XKR4: variants seen among roughly 807,000 people sequenced by gnomAD.
XKR4 encodes XK-related protein 4.
Under a neutral mutation model 53.9 loss-of-function variants are expected in XKR4, and 12 were observed. The ratio of observed to expected loss-of-function variants is 0.22; its 90% CI spans 0.14 to 0.36. XKR4 has a LOEUF of 0.36. Ranked by LOEUF, XKR4 falls within the 10% of genes least tolerant of loss-of-function variation. The pLI is 1.00. For missense variants in XKR4, 799 were observed against 859.5 expected (o/e 0.93, Z 0.88); for synonymous variants, 354 against 362.4 (o/e 0.98, Z 0.26).
At position 55,526,584 on chromosome 8, in the gene XKR4, G is replaced by A. The variant is rs1436897037; in HGVS notation, c.*2357G>A. 6.6e-6 allele frequency: 1 copy of A among 152,160 alleles called. No individual in the cohort carries two copies. The highest frequency in any genetic ancestry group is 1.9e-4 in the East Asian group (1 of 5,202). 9.4% of individuals were successfully genotyped at this position (152,160 alleles called of 1,614,324 possible). On this transcript the variant is annotated 3_prime_UTR_variant, in exon 3 of 3. Coordinates refer to ENST00000327381, the MANE Select transcript of XKR4 (RefSeq NM_052898.2). ...ATTCTTCACTTTTGTGCAGAACCTT[G>A]AGTTATTAGCTTCATTGTTTCCAAG...
At chr8:55,163,983 G>A (rs532223114) in intron 1 of XKR4, 51 of 296,888 alleles carry the variant, frequency 1.7e-4, no homozygotes, top group Admixed American at 1.3e-3. Flanking sequence ...TAATGCCTGC[G>A]TGCATATGCT....
At chr8:55,329,010 C>T (rs1444778984) in intron 1 of XKR4, among the ~76,000 whole-genome samples, 1 of 152,182 alleles carries the variant, frequency 6.6e-6, no homozygotes, top group Non-Finnish European at 1.5e-5. Context: ...TTGTCCACTG[C>T]TCTGTCTCCA....
At chr8:55,465,288 G>T (rs1805745381) in intron 2 of XKR4, among the ~76,000 whole-genome samples, 1 of 152,020 alleles carries the variant, frequency 6.6e-6, no homozygotes, top group East Asian at 1.9e-4. Flanking sequence ...CCAAAACAGA[G>T]ATATAGACCA....
chr8:55,354,221 A>G (rs2129383981), intron 1 of XKR4, among the ~76,000 whole-genome samples: 1 of 152,332 alleles, frequency 6.6e-6, no homozygotes, highest in South Asian at 2.1e-4. Context: ...AACCAAGCTC[A>G]GAGTAGGAGG....
chr8:55,398,793 A>T (rs537600045), intron 2 of XKR4, among the ~76,000 whole-genome samples: 1 of 152,374 alleles, frequency 6.6e-6, no homozygotes, highest in South Asian at 2.1e-4. Context: ...GTTAAAGCCA[A>T]ATAAAACATG....
At chr8:55,413,462 G>A (rs1394066799) in intron 2 of XKR4, among the ~76,000 whole-genome samples, 9 of 152,190 alleles carry the variant, frequency 5.9e-5, no homozygotes, top group Non-Finnish European at 1.5e-5. Flanking sequence ...CTGACCTCAA[G>A]CGATCCACCT....
intron 1 of XKR4, among the ~76,000 whole-genome samples, chr8:55,349,000 G>C (rs1022580171): frequency 6.6e-6 from 1 of 152,128 alleles, no homozygotes; most frequent in African/African-American, 2.4e-5. Flanking sequence ...AGATGTCTTG[G>C]AGCCCAGGTA....
chr8:55,471,827 C>A (rs948818361), intron 2 of XKR4, among the ~76,000 whole-genome samples: 2 of 152,264 alleles, frequency 1.3e-5, no homozygotes, highest in Middle Eastern at 3.4e-3. Flanking sequence ...TGTGCCAGCT[C>A]TCCCTTTGCC....
intron 1 of XKR4, among the ~76,000 whole-genome samples, chr8:55,305,034 A>G (rs1369307393): frequency 1.3e-5 from 2 of 152,170 alleles, no homozygotes; most frequent in Non-Finnish European, 2.9e-5. Flanking sequence ...ACAGATTACA[A>G]TCAGAAATGA....
At chr8:55,416,725 A>G (rs1337947812) in intron 2 of XKR4, among the ~76,000 whole-genome samples, 1 of 152,182 alleles carries the variant, frequency 6.6e-6, no homozygotes, top group Non-Finnish European at 1.5e-5. Flanking sequence ...GTTTAGCTAT[A>G]TTGTATCTAG....
chr8:55,289,570 AG>A (rs1563316341), intron 1 of XKR4, among the ~76,000 whole-genome samples: 2 of 106,162 alleles, frequency 1.9e-5, no homozygotes, highest in African/African-American at 7.1e-5. Flanking sequence ...GGAAGGAAGG[AG>A]AGAGAAAGGA....
chr8:55,495,658 T>TGAC (rs1241726514), intron 2 of XKR4, among the ~76,000 whole-genome samples: 1 of 152,118 alleles, frequency 6.6e-6, no homozygotes, highest in Non-Finnish European at 1.5e-5. Flanking sequence ...ATGATAGTAG[T>TGAC]GACGTAGGGC....
chr8:55,422,060 C>A (rs1384485509), intron 2 of XKR4, among the ~76,000 whole-genome samples: 1 of 152,122 alleles, frequency 6.6e-6, no homozygotes, highest in Admixed American at 6.5e-5. Context: ...CCTATATGTG[C>A]TGAACATATA....
At chr8:55,479,991 A>C (rs1454890744) in intron 2 of XKR4, among the ~76,000 whole-genome samples, 1 of 151,762 alleles carries the variant, frequency 6.6e-6, no homozygotes, top group Non-Finnish European at 1.5e-5. Flanking sequence ...AGCTGTTACC[A>C]GTCCTTCTGA....
intron 1 of XKR4, among the ~76,000 whole-genome samples, chr8:55,204,032 A>G (rs2129362617): frequency 6.6e-6 from 1 of 152,166 alleles, no homozygotes; most frequent in Non-Finnish European, 1.5e-5. Context: ...TCGTTTTTAG[A>G]CAGGGTCTTG....
intron 1 of XKR4, among the ~76,000 whole-genome samples, chr8:55,280,825 T>C (rs1450619714): frequency 6.6e-6 from 1 of 152,226 alleles, no homozygotes; most frequent in African/African-American, 2.4e-5. Flanking sequence ...ATGCCCATTC[T>C]ATACGTTAAA....
intron 2 of XKR4, among the ~76,000 whole-genome samples, chr8:55,423,493 G>A (rs1328346083): frequency 6.6e-6 from 1 of 152,186 alleles, no homozygotes; most frequent in South Asian, 2.1e-4. Context: ...TCTGAAGTGT[G>A]AGCCATCTTT....
chr8:55,368,414 C>A (rs1006826383), intron 2 of XKR4, among the ~76,000 whole-genome samples: 1 of 152,196 alleles, frequency 6.6e-6, no homozygotes, highest in Non-Finnish European at 1.5e-5. Flanking sequence ...GTGAGTCCTG[C>A]AGCTCTGGCT....
chr8:55,510,710 ATCT>A (rs1197206075), intron 2 of XKR4, among the ~76,000 whole-genome samples: 1 of 152,176 alleles, frequency 6.6e-6, no homozygotes, highest in Non-Finnish European at 1.5e-5. Context: ...CTCCAAGGTG[ATCT>A]TCATCATATT....
Sources: allele counts gnomAD v4.1 joint callset (sites outside exome capture counted in the v4.1 genomes callset), GRCh38; gene constraint gnomAD v4.1.1; transcripts MANE v1.5; gene names NCBI Gene and HGNC (gene_info 2026-07-23, HGNC 2026-07-21).